Variants in AOPEP observed in about 807,000 individuals in gnomAD.
AOPEP encodes the protein aminopeptidase O.
Under a neutral mutation model 98.1 loss-of-function variants are expected in AOPEP, and 77 were observed. The ratio of observed to expected loss-of-function variants is 0.78; its 90% confidence interval spans 0.65 to 0.95. AOPEP has a LOEUF of 0.95. Among genes scored for constraint, AOPEP ranks in the 40% least tolerant of loss-of-function variants. The pLI is 0.00. For synonymous variants in AOPEP, 346 were observed against 365.3 expected (o/e 0.95, Z 0.60); for missense variants, 1,024 against 1,024.7 (o/e 1.00, Z 0.01).
chr9:94,878,149 G>A (rs940671213), intron 5 of AOPEP, among the ~76,000 whole-genome samples: 2 of 151,856 alleles, frequency 1.3e-5, no homozygotes, highest in African/African-American at 4.8e-5. Context: ...TAGGAAAAAG[G>A]AAAGTATTGG....
chr9:95,101,278 G>A, the AOPEP span: 6 of 309,428 alleles, frequency 1.9e-5, no homozygotes, highest in Non-Finnish European at 3.1e-5. Context: ...CTCCTAAAAA[G>A]AGTCTAAAAA....
intron 5 of AOPEP, among the ~76,000 whole-genome samples, chr9:94,917,765 C>A (rs1022814484): frequency 6.6e-6 from 1 of 152,114 alleles, no homozygotes; most frequent in Non-Finnish European, 1.5e-5. Context: ...GTTGTCTGTC[C>A]TTCCTATTTT....
chr9:95,142,816 C>T, the AOPEP span, among the ~76,000 whole-genome samples: 1 of 152,168 alleles, frequency 6.6e-6, no homozygotes, highest in East Asian at 1.9e-4. Context: ...ACTCCCACTA[C>T]TTAGAAGCTG....
intron 13 of AOPEP, among the ~76,000 whole-genome samples, chr9:95,026,214 G>C (rs2063826306): frequency 1.3e-5 from 2 of 152,134 alleles, no homozygotes; most frequent in South Asian, 4.1e-4. Context: ...ACAACTTTAA[G>C]GCGTAATTTA....
At chr9:94,856,335 CG>C (rs2044205447) in intron 5 of AOPEP, among the ~76,000 whole-genome samples, 1 of 151,926 alleles carries the variant, frequency 6.6e-6, no homozygotes, top group Non-Finnish European at 1.5e-5. Flanking sequence ...ATCAAGGAGA[CG>C]CCAGGGTAAA....
intron 5 of AOPEP, among the ~76,000 whole-genome samples, chr9:94,847,312 T>G (rs2042993547): frequency 6.6e-6 from 1 of 152,150 alleles, no homozygotes; most frequent in Non-Finnish European, 1.5e-5. Context: ...GAGAAGCTCT[T>G]CCATTCACCT....
At chr9:94,906,823 A>T (rs1480748993) in intron 5 of AOPEP, among the ~76,000 whole-genome samples, 1 of 152,212 alleles carries the variant, frequency 6.6e-6, no homozygotes, top group Admixed American at 6.5e-5. Context: ...ATATTTGCTG[A>T]ATCAATGAAT....
intron 7 of AOPEP, among the ~76,000 whole-genome samples, chr9:94,942,180 T>C (rs1432282121): frequency 6.6e-6 from 1 of 152,214 alleles, no homozygotes; most frequent in East Asian, 1.9e-4. Flanking sequence ...AAGGATATCT[T>C]ATGCACTCAG....
intron 7 of AOPEP, among the ~76,000 whole-genome samples, chr9:94,950,871 AGTTCAGAGGCATTT>A: frequency 6.6e-6 from 1 of 152,324 alleles, no homozygotes; most frequent in Non-Finnish European, 1.5e-5. Flanking sequence ...GCCAGAGGAC[AGTTCAGAGGCATTT>A]TCTCAAATCC....
At chr9:95,101,883 AAC>A in the AOPEP span, 4 of 1,612,942 alleles carry the variant, frequency 2.5e-6, no homozygotes, top group South Asian at 3.3e-5. Context: ...GGCAAATTAA[AAC>A]ACTTTCCAGA....
intron 5 of AOPEP, among the ~76,000 whole-genome samples, chr9:94,856,351 G>A (rs1315089408): frequency 6.6e-6 from 1 of 152,090 alleles, no homozygotes; most frequent in Non-Finnish European, 1.5e-5. Flanking sequence ...GGTAAAAGAG[G>A]CAGCAGAAGG....
At chr9:95,040,803 G>A (rs1564559875) in intron 13 of AOPEP, among the ~76,000 whole-genome samples, 1 of 152,168 alleles carries the variant, frequency 6.6e-6, no homozygotes, top group African/African-American at 2.4e-5. Flanking sequence ...CTCCTCCCAT[G>A]TTTTTTGCAG....
the AOPEP span, among the ~76,000 whole-genome samples, chr9:95,127,851 G>A: frequency 2.0e-5 from 3 of 152,164 alleles, no homozygotes; most frequent in Non-Finnish European, 4.4e-5. Context: ...TGGACCCGCC[G>A]GGCTCCAGGC....
downstream of AOPEP, among the ~76,000 whole-genome samples, chr9:95,090,090 G>A (rs889887963): frequency 1.3e-5 from 2 of 152,296 alleles, no homozygotes; most frequent in Admixed American, 1.3e-4. Context: ...GGGGCTAAAC[G>A]GCACTGAAGG....
At chr9:95,111,513 C>T in the AOPEP span, 1 of 1,614,084 alleles carries the variant, frequency 6.2e-7, no homozygotes, top group Non-Finnish European at 8.5e-7. Context: ...TAGTAGAAGG[C>T]CAAGAGCCAC....
At chr9:94,922,484 G>A (rs1310553366) in intron 5 of AOPEP, among the ~76,000 whole-genome samples, 1 of 152,204 alleles carries the variant, frequency 6.6e-6, no homozygotes, top group Non-Finnish European at 1.5e-5. Flanking sequence ...TATTTACTTG[G>A]TACATTTCTG....
At chr9:95,091,931 G>T (rs769777461), downstream of AOPEP, among the ~76,000 whole-genome samples, 21 of 152,196 alleles carry the variant, frequency 1.4e-4, no homozygotes, top group Non-Finnish European at 2.5e-4. Flanking sequence ...GGGGCTGGGG[G>T]TGGGAAAAGG....
intron 5 of AOPEP, among the ~76,000 whole-genome samples, chr9:94,833,581 A>G (rs1443261740): frequency 3.3e-5 from 5 of 152,146 alleles, no homozygotes; most frequent in Non-Finnish European, 7.3e-5. Context: ...GCTACTGAAG[A>G]TTATTAGAGC....
intron 11 of AOPEP, among the ~76,000 whole-genome samples, chr9:94,990,585 CTCTT>C (rs1470625541): frequency 6.6e-6 from 1 of 151,626 alleles, no homozygotes; most frequent in African/African-American, 2.4e-5. Flanking sequence ...CTCTGGTAGA[CTCTT>C]CGTCAAAAGC....
Sources: allele counts gnomAD v4.1 joint callset (sites outside exome capture counted in the v4.1 genomes callset), GRCh38; gene constraint gnomAD v4.1.1; transcripts MANE v1.5; gene names NCBI Gene and HGNC (gene_info 2026-07-23, HGNC 2026-07-21).